Variants in ATP8A2 observed in about 807,000 individuals in gnomAD.
ATP8A2 encodes phospholipid-transporting ATPase IB.
A neutral mutation model predicts 165.6 loss-of-function variants in ATP8A2; 100 were observed. The observed-to-expected ratio is 0.60, with a 90% CI of 0.51 to 0.71. The LOEUF is 0.71. Ranked by LOEUF, ATP8A2 falls within the 30% of genes least tolerant of loss-of-function variation. ATP8A2 has a pLI of 0.00. For missense variants in ATP8A2, 1,227 were observed against 1,479.5 expected (o/e 0.83, Z 2.80); for synonymous variants, 543 against 548.8 (o/e 0.99, Z 0.15).
rs140732440 is a variant in ATP8A2 at position 25,842,809 on chromosome 13, A to G, written c.2956+3185A>G. On this transcript the variant is annotated intron_variant, in intron 30 of 36. Transcript: ENST00000381655. ...AGAAGAAAGAAGGAAAGAAACTGGG[A>G]CTTAACTGTTTAGGCATTGAAGGGT... Among the ~76,000 whole-genome samples the G allele has an allele frequency of 2.6e-3, 402 of 152,186 alleles. 4 individuals are homozygous for G. Among genetic ancestry groups the G allele is most frequent in the African/African-American group, 9.0e-3 (373 of 41,536 alleles).
chr13:25,817,353 G>T (rs12584128), intron 27 of ATP8A2, among the ~76,000 whole-genome samples: 7 of 74,492 alleles, frequency 9.4e-5, no homozygotes, highest in East Asian at 3.0e-4. Flanking sequence ...TCTTTTATGG[G>T]GGGGGGGGGA....
intron 10 of ATP8A2, 126 bp downstream of exon 10, chr13:25,543,528 C>A: frequency 1.7e-6 from 1 of 590,846 alleles, no homozygotes; most frequent in Non-Finnish European, 3.0e-6. Context: ...TTGGAAAGAA[C>A]TGCCTTTATT....
chr13:25,372,767 A>C lies in ATP8A2; in HGVS notation c.76+479A>C, dbSNP rs2032466039. Among the ~76,000 whole-genome samples, 1 of 152,176 alleles carries C rather than the reference A, an allele frequency of 6.6e-6. No individual in the cohort carries two copies. The highest frequency in any genetic ancestry group is 1.5e-5 in the Non-Finnish European group (1 of 68,040). On this transcript the variant is annotated intron_variant, in intron 1 of 36. Transcript: ENST00000381655. This position sits in a 1 kb window ranked among gnomAD's most constrained non-coding sequence, Gnocchi z 4.8. The stretch of plus-strand genomic sequence containing the variant: ...AGGCATCCGAAGGGTCCCTCGAGTG[A>C]TTCTCACCACTTGGAGCCCCGGGTC...
At chr13:25,442,176 C>T (rs1260369285) in intron 1 of ATP8A2, among the ~76,000 whole-genome samples, 1 of 152,188 alleles carries the variant, frequency 6.6e-6, no homozygotes, top group African/African-American at 2.4e-5. Flanking sequence ...CACGTTGTAG[C>T]TGCTGTGAAT....
chr13:25,589,797 A>C, intron 24 of ATP8A2, 98 bp downstream of exon 24: 1 of 729,990 alleles, frequency 1.4e-6, no homozygotes, highest in Non-Finnish European at 2.3e-6. Context: ...TTTGCTAAAA[A>C]ACAGTTATGA....
At chr13:25,574,411 C>T (rs974803959) in intron 18 of ATP8A2, among the ~76,000 whole-genome samples, 3 of 152,152 alleles carry the variant, frequency 2.0e-5, no homozygotes, top group African/African-American at 4.8e-5. Context: ...CTGTAGAAAG[C>T]GGATGTGTTG....
At chr13:25,836,085 G>C (rs1264257326) in intron 28 of ATP8A2, among the ~76,000 whole-genome samples, 3 of 152,138 alleles carry the variant, frequency 2.0e-5, no homozygotes, top group Non-Finnish European at 4.4e-5. Flanking sequence ...GTTCAAACAG[G>C]GGACTTCTGT....
intron 25 of ATP8A2, among the ~76,000 whole-genome samples, chr13:25,725,848 T>A (rs186589275): frequency 9.2e-4 from 140 of 152,310 alleles, no homozygotes; most frequent in African/African-American, 3.1e-3. Context: ...TAGCTAGATG[T>A]CACATGCTGT....
intron 25 of ATP8A2, among the ~76,000 whole-genome samples, chr13:25,703,422 A>G (rs997368665): frequency 1.3e-5 from 2 of 152,154 alleles, no homozygotes; most frequent in Admixed American, 6.5e-5. Context: ...CTAAATCTGG[A>G]AAGTACCATA....
At chr13:25,933,398 T>A (rs1003623997) in intron 33 of ATP8A2, among the ~76,000 whole-genome samples, 1 of 152,196 alleles carries the variant, frequency 6.6e-6, no homozygotes, top group Non-Finnish European at 1.5e-5. Context: ...TATCACCTAA[T>A]CTCTTTATGC....
chr13:25,390,139 A>T (rs2033192453), intron 1 of ATP8A2, among the ~76,000 whole-genome samples: 1 of 152,128 alleles, frequency 6.6e-6, no homozygotes, highest in African/African-American at 2.4e-5. Context: ...GAATACAGGC[A>T]TGTGCCTTAA....
chr13:25,800,434 T>C (rs529505137), intron 27 of ATP8A2, among the ~76,000 whole-genome samples: 67 of 152,314 alleles, frequency 4.4e-4, no homozygotes, highest in African/African-American at 1.5e-3. Context: ...CAGACATTAT[T>C]GCACAGTATC....
rs142839256 is a variant in ATP8A2 at position 25,427,527 on chromosome 13, G to A, written c.77-41450G>A. ...ATTGTCTTACATGAAAGTGGTCCCT[G>A]GTGCCAAAAAGGTTGGCAACCACTA... On this transcript the variant is annotated intron_variant, in intron 1 of 36. Transcript: ENST00000381655. Among the ~76,000 whole-genome samples, 174 of 152,012 alleles carry A rather than the reference G, an allele frequency of 1.1e-3. 2 individuals carry two copies. The highest frequency in any genetic ancestry group is 1.7e-3 in the Non-Finnish European group (116 of 67,968).
chr13:25,601,304 T>G (rs2040379100), intron 24 of ATP8A2, among the ~76,000 whole-genome samples: 1 of 116,232 alleles, frequency 8.6e-6, no homozygotes, highest in Admixed American at 8.6e-5. Flanking sequence ...TGGTTCGTGG[T>G]AAGCGATCTA....
At position 25,445,081 on chromosome 13, in the gene ATP8A2, T is replaced by C. The variant is rs190722197; in HGVS notation, c.77-23896T>C. Among the ~76,000 whole-genome samples the C allele has an allele frequency of 3.8e-4, 58 of 152,350 alleles. 1 individual carries two copies. Among genetic ancestry groups the C allele is most frequent in the Admixed American group, 3.3e-4 (5 of 15,302 alleles). On this transcript the variant is annotated intron_variant, in intron 1 of 36. Coordinates refer to ENST00000381655, the MANE Select transcript of ATP8A2 (RefSeq NM_016529.6). The stretch of plus-strand genomic sequence containing the variant: ...TGGATGCAAGCATCAGATACATGTA[T>C]TACAAATATATTTTTCCAGCCTGTG...
chr13:25,536,601 G>T (rs190388389), intron 6 of ATP8A2, among the ~76,000 whole-genome samples: 210 of 152,268 alleles, frequency 1.4e-3, no homozygotes, highest in Non-Finnish European at 2.4e-3. Context: ...ATGGGCACCT[G>T]CTAGCTTGTA....
At chr13:25,848,251 A>T (rs1297872859) in intron 30 of ATP8A2, among the ~76,000 whole-genome samples, 1 of 152,236 alleles carries the variant, frequency 6.6e-6, no homozygotes, top group African/African-American at 2.4e-5. Flanking sequence ...CTTCATTTCA[A>T]CACAGTGAGG....
chr13:25,390,553 T>A (rs1242535149), intron 1 of ATP8A2, among the ~76,000 whole-genome samples: 1 of 152,226 alleles, frequency 6.6e-6, no homozygotes, highest in African/African-American at 2.4e-5. Context: ...TCTGTAGTTT[T>A]GTCTTTCCCA....
rs1555278503 is a variant in ATP8A2 at position 25,853,396 on chromosome 13, A to AATATATAT, written c.2957-6792_2957-6785dup. Among the ~76,000 whole-genome samples, 158 of 107,828 alleles carry AATATATAT rather than the reference A, an allele frequency of 1.5e-3. 1 individual carries two copies. The highest frequency in any genetic ancestry group is 3.4e-3 in the East Asian group (14 of 4,104). The allele number at this position is 107,828 out of a possible 152,430, so 70.7% of individuals were successfully genotyped here. A position where few individuals can be genotyped will look rare whatever the true frequency, so the allele number is the denominator to read the frequency against. Reference sequence around the variant, plus strand: ...ACAGAGCAAGACTCTATCTAAAAAAAATATATATATATATGTATATATATA... The same window carrying AATATATAT: ...ACAGAGCAAGACTCTATCTAAAAAAAATATATATATATATATATATATGTATATATATA... On this transcript the variant is annotated intron_variant, in intron 30 of 36. Coordinates refer to ENST00000381655, the MANE Select transcript of ATP8A2 (RefSeq NM_016529.6).
Sources: allele counts gnomAD v4.1 joint callset (sites outside exome capture counted in the v4.1 genomes callset), GRCh38; gene constraint gnomAD v4.1.1; non-coding constraint Gnocchi (gnomAD v3.1); transcripts MANE v1.5; gene names NCBI Gene and HGNC (gene_info 2026-07-23, HGNC 2026-07-21).